The following KIAA1671 variants were observed in gnomAD, a reference collection of about 807,000 sequenced individuals.
The protein encoded by KIAA1671 is uncharacterized protein KIAA1671.
KIAA1671 carries 52 observed loss-of-function variants against 131.2 expected under a neutral mutation model. The ratio of observed to expected loss-of-function variants is 0.40; its 90% CI spans 0.32 to 0.50. The LOEUF (loss-of-function observed/expected upper bound fraction) is 0.50. Ranked by LOEUF, KIAA1671 falls within the 20% of genes least tolerant of loss-of-function variation. KIAA1671 has a pLI of 0.73. For missense variants in KIAA1671, 2,360 were observed against 2,364.2 expected, an observed-to-expected ratio of 1.00 and a Z score of 0.04; for synonymous variants, 1,003 against 961.6, an observed-to-expected ratio of 1.04 and a Z score of -0.80.
intron 6 of KIAA1671, among the ~76,000 whole-genome samples, chr22:25,068,009 A>G (rs1383738738): frequency 6.6e-6 from 1 of 152,280 alleles, no homozygotes; most frequent in Admixed American, 6.5e-5. Flanking sequence ...GCCAGTGCAG[A>G]GGAACCAGCC....
chr22:25,107,277 C>A lies in KIAA1671; in HGVS notation c.4530+57913C>A, dbSNP rs537006089. Among the ~76,000 whole-genome samples the A allele has an allele frequency of 3.9e-5, 6 of 151,956 alleles. No individual in the cohort carries two copies. The East Asian group carries it at 1.2e-3, about 30-fold the overall frequency. On this transcript the variant is annotated intron_variant, in intron 6 of 12. Coordinates refer to ENST00000358431, the MANE Select transcript of KIAA1671 (RefSeq NM_001145206.2). ...TAAAAATACAAAAAAATTAGCCGGG[C>A]GTGGTGGCAGGCACCTGTAGTCCCA...
chr22:24,972,568 A>G (rs1922679633), intron 1 of KIAA1671, among the ~76,000 whole-genome samples: 1 of 151,966 alleles, frequency 6.6e-6, no homozygotes, highest in African/African-American at 2.4e-5. Flanking sequence ...TTCCATCCAC[A>G]TACCTGTACT....
chr22:25,036,899 G>A (rs1926632208), intron 4 of KIAA1671, among the ~76,000 whole-genome samples: 2 of 152,058 alleles, frequency 1.3e-5, no homozygotes, highest in African/African-American at 4.8e-5. Flanking sequence ...ACTCCAGCCT[G>A]GGTGACAAGA....
chr22:25,196,315 G>T lies in KIAA1671; in HGVS notation c.*3914G>T, dbSNP rs958538960. The T allele has an allele frequency of 7.2e-5, 11 of 152,106 alleles. No homozygotes were observed. Among genetic ancestry groups the T allele is most frequent in the African/African-American group, 2.7e-4 (11 of 41,400 alleles). The allele number at this position is 152,106 out of a possible 1,614,324, so 9.4% of individuals were successfully genotyped here. A position where few individuals can be genotyped will look rare whatever the true frequency, so the allele number is the denominator to read the frequency against. On this transcript the variant is annotated 3_prime_UTR_variant, in exon 13 of 13. Coordinates refer to ENST00000358431, the MANE Select transcript of KIAA1671 (RefSeq NM_001145206.2). Reference sequence around the variant, plus strand: ...GGCCTTCCCAGAATCTCCTTCAGTGGTTGCTCTCACACCTGTGCCATAACA... The same window carrying T: ...GGCCTTCCCAGAATCTCCTTCAGTGTTTGCTCTCACACCTGTGCCATAACA...
At chr22:24,970,850 A>C (rs1402809706) in intron 1 of KIAA1671, among the ~76,000 whole-genome samples, 1 of 152,110 alleles carries the variant, frequency 6.6e-6, no homozygotes. Context: ...GATCTAGTAT[A>C]TTTATAACAG....
chr22:25,081,070 G>A (rs1461253581), intron 6 of KIAA1671, among the ~76,000 whole-genome samples: 1 of 152,158 alleles, frequency 6.6e-6, no homozygotes, highest in East Asian at 1.9e-4. Flanking sequence ...CGTGACTGCT[G>A]AAAGGAACCG....
At chr22:25,187,753 C>T (rs959933507) in intron 11 of KIAA1671, among the ~76,000 whole-genome samples, 1 of 152,164 alleles carries the variant, frequency 6.6e-6, no homozygotes, top group African/African-American at 2.4e-5. Flanking sequence ...GATCCTCTGC[C>T]TCCCAAAGTG....
intron 3 of KIAA1671, among the ~76,000 whole-genome samples, chr22:25,031,730 G>T (rs1173642398): frequency 6.6e-6 from 1 of 152,278 alleles, no homozygotes; most frequent in East Asian, 1.9e-4. Flanking sequence ...CTATGCCACG[G>T]TCCTAATATG....
At chr22:25,041,652 G>GCT (rs1175714393) in intron 5 of KIAA1671, 127 bp downstream of exon 5, 2 of 957,526 alleles carry the variant, frequency 2.1e-6, no homozygotes, top group Admixed American at 5.8e-5. Context: ...TGGGTATGAG[G>GCT]CTCCAGGGAG....
chr22:25,059,920 A>G (rs1928065466), intron 6 of KIAA1671: 1 of 152,200 alleles, frequency 6.6e-6, no homozygotes, highest in Non-Finnish European at 1.5e-5. Flanking sequence ...TGCCTCAGAA[A>G]TCCCTGATCT....
intron 6 of KIAA1671, among the ~76,000 whole-genome samples, chr22:25,136,135 C>A (rs972788968): frequency 3.4e-4 from 52 of 152,152 alleles, no homozygotes; most frequent in Non-Finnish European, 4.4e-5. Flanking sequence ...CTTCCTTGGC[C>A]CTATTTAGAG....
At chr22:24,979,179 T>A (rs1235340790) in intron 1 of KIAA1671, among the ~76,000 whole-genome samples, 4 of 142,464 alleles carry the variant, frequency 2.8e-5, no homozygotes, top group East Asian at 2.0e-4. Flanking sequence ...TATTTTTTTT[T>A]TTTTTTTTTT....
At chr22:25,136,960 T>C (rs1222908504) in intron 6 of KIAA1671, among the ~76,000 whole-genome samples, 1 of 152,110 alleles carries the variant, frequency 6.6e-6, no homozygotes, top group Non-Finnish European at 1.5e-5. Flanking sequence ...AATAGTGAGG[T>C]TTAGCAAGTA....
intron 1 of KIAA1671, among the ~76,000 whole-genome samples, chr22:24,978,268 T>G (rs1923018340): frequency 1.3e-5 from 2 of 152,228 alleles, no homozygotes; most frequent in African/African-American, 2.4e-5. Context: ...TCTCACGAGA[T>G]CTGATGGTTT....
intron 6 of KIAA1671, among the ~76,000 whole-genome samples, chr22:25,170,563 T>A (rs1933811620): frequency 6.6e-6 from 1 of 152,160 alleles, no homozygotes; most frequent in African/African-American, 2.4e-5. Flanking sequence ...GGGCTCCACA[T>A]GCCAGGTAGG....
intron 5 of KIAA1671, among the ~76,000 whole-genome samples, chr22:25,045,987 T>A (rs1927205834): frequency 6.6e-6 from 1 of 152,128 alleles, no homozygotes; most frequent in Non-Finnish European, 1.5e-5. Context: ...TTTGGGTGGA[T>A]TTGAATTTTT....
intron 5 of KIAA1671, among the ~76,000 whole-genome samples, chr22:25,042,553 G>A (rs1379657028): frequency 2.1e-5 from 3 of 140,486 alleles, no homozygotes; most frequent in South Asian, 2.3e-4. Flanking sequence ...TGCAACCTTC[G>A]CCTCCTGGGT....
intron 6 of KIAA1671, among the ~76,000 whole-genome samples, chr22:25,133,548 TTTTG>T (rs1366392778): frequency 6.6e-6 from 1 of 152,178 alleles, no homozygotes; most frequent in African/African-American, 2.4e-5. Context: ...ATTTTTATTT[TTTTG>T]TTTGTTTTTA....
rs1926929813 is a variant in KIAA1671, at chr22:25,041,664, G to A, written c.4395+139G>A. On this transcript the variant is annotated intron_variant, in intron 5 of 12. Transcript: ENST00000358431. ...GGCTGGGTATGAGGCTCCAGGGAGGGGTATGGATTGTGGCAAATGGAGAGC... is the reference window on the plus strand; with the variant it reads ...GGCTGGGTATGAGGCTCCAGGGAGGAGTATGGATTGTGGCAAATGGAGAGC... 3.7e-5 allele frequency: 32 copies of A among 869,810 alleles called. No homozygotes were observed. The South Asian group carries it at 5.5e-4, about 15-fold the overall frequency. The allele number at this position is 869,810 out of a possible 1,614,324, so 53.9% of individuals were successfully genotyped here.
Sources: allele counts gnomAD v4.1 joint callset (sites outside exome capture counted in the v4.1 genomes callset), GRCh38; gene constraint gnomAD v4.1.1; transcripts MANE v1.5; gene names NCBI Gene and HGNC (gene_info 2026-07-23, HGNC 2026-07-21).